The following RRAS2 variants were observed in gnomAD, a reference collection of about 807,000 sequenced individuals.
RRAS2 encodes the protein ras-related protein R-Ras2.
RRAS2 carries 7 observed loss-of-function variants against 27.6 expected under a neutral mutation model. The observed-to-expected ratio is 0.25, with a 90% confidence interval of 0.14 to 0.48. RRAS2 has a LOEUF of 0.48. Ranked by LOEUF, RRAS2 falls within the 20% of genes least tolerant of loss-of-function variation. The probability of loss-of-function intolerance (pLI) is 0.99; values close to 1 mark genes in which losing one functional copy is unlikely to be tolerated. For missense variants in RRAS2, 178 were observed against 256.2 expected (o/e 0.69, Z 2.08); for synonymous variants, 86 against 90.9 (o/e 0.95, Z 0.31).
At chr11:14,325,535 G>A (rs566539221) in intron 1 of RRAS2, among the ~76,000 whole-genome samples, 5 of 152,180 alleles carry the variant, frequency 3.3e-5, no homozygotes, top group East Asian at 1.9e-4. Flanking sequence ...TCCTGACCTC[G>A]TGATCCTCCC....
rs782306600 is a variant in RRAS2, at chr11:14,344,983, C to CTTTTTTTTTTTTT, written c.108+13779_108+13780insAAAAAAAAAAAAA. On this transcript the variant is annotated intron_variant, in intron 1 of 5. Coordinates refer to ENST00000256196, the MANE Select transcript of RRAS2 (RefSeq NM_012250.6). ...TTTATTTCCTGTGCCCTACTCAAGA[C>CTTTTTTTTTTTTT]TTTATTTTTTTTTTTTTTTTTTTTG... Among the ~76,000 whole-genome samples the CTTTTTTTTTTTTT allele has an allele frequency of 5.1e-5, 4 of 78,982 alleles. 2 individuals are homozygous for CTTTTTTTTTTTTT. Among genetic ancestry groups the CTTTTTTTTTTTTT allele is most frequent in the Non-Finnish European group, 9.7e-5 (4 of 41,404 alleles). The allele number at this position is 78,982 out of a possible 152,430, so 51.8% of individuals were successfully genotyped here.
chr11:14,355,536 A>C (rs912481334), intron 1 of RRAS2, among the ~76,000 whole-genome samples: 1 of 152,172 alleles, frequency 6.6e-6, no homozygotes, highest in African/African-American at 2.4e-5. Context: ...TTTATTTTTA[A>C]AAAGGAAAAG....
At chr11:14,309,635 C>A (rs1847913844) in intron 1 of RRAS2, among the ~76,000 whole-genome samples, 1 of 152,144 alleles carries the variant, frequency 6.6e-6, no homozygotes. Flanking sequence ...AAGGAGTGAG[C>A]CATGCTGTGA....
At position 14,294,369 on chromosome 11, in the gene RRAS2, C is replaced by T. The variant is rs34238445; in HGVS notation, c.408+102G>A. The T allele has an allele frequency of 0.34, 231,166 of 685,742 alleles. 38,362 individuals carry two copies. Among genetic ancestry groups the T allele is most frequent in the East Asian group, 0.42 (14,533 of 34,282 alleles). The allele number at this position is 685,742 out of a possible 1,614,324, so 42.5% of individuals were successfully genotyped here. ...TAAACACTTAAGTGGCATGGAGCAC[C>T]GTATTTTTTTTTTACTAGACTTTCA... On this transcript the variant is annotated intron_variant, in intron 4 of 5. Transcript: ENST00000256196.
chr11:14,333,858 C>G (rs140567635), intron 1 of RRAS2, among the ~76,000 whole-genome samples: 2 of 152,254 alleles, frequency 1.3e-5, no homozygotes, highest in African/African-American at 2.4e-5. Context: ...TGGTCTTGAA[C>G]CCCTGGACTC....
At chr11:14,290,701 A>C (rs948227481) in intron 4 of RRAS2, among the ~76,000 whole-genome samples, 1 of 152,202 alleles carries the variant, frequency 6.6e-6, no homozygotes, top group Non-Finnish European at 1.5e-5. Context: ...GTGATCAACC[A>C]TGTCAAATGT....
intron 1 of RRAS2, among the ~76,000 whole-genome samples, chr11:14,343,213 A>G (rs757716581): frequency 8.5e-5 from 13 of 152,216 alleles, no homozygotes; most frequent in Admixed American, 5.2e-4. Context: ...GACACTAAAT[A>G]TATACTTTGC....
chr11:14,333,339 G>A (rs1848519910), intron 1 of RRAS2, among the ~76,000 whole-genome samples: 1 of 152,020 alleles, frequency 6.6e-6, no homozygotes. Context: ...GAAAAGGCGA[G>A]GCTATTGATA....
At chr11:14,348,414 T>G (rs1336349845) in intron 1 of RRAS2, among the ~76,000 whole-genome samples, 1 of 152,326 alleles carries the variant, frequency 6.6e-6, no homozygotes, top group South Asian at 2.1e-4. Context: ...ACCCACTTAG[T>G]TTTAAGATCC....
chr11:14,346,244 A>G (rs1232884371), intron 1 of RRAS2, among the ~76,000 whole-genome samples: 1 of 152,232 alleles, frequency 6.6e-6, no homozygotes, highest in Non-Finnish European at 1.5e-5. Flanking sequence ...AATGTACTAT[A>G]AAGTTACAGA....
In RRAS2 at chr11:14,295,744, A is replaced by G. The variant is rs782535692; in HGVS notation, c.196+24T>C. On this transcript the variant is annotated intron_variant, in intron 2 of 5. Transcript: ENST00000256196. ...TTTTAAAAAATATGATATGCAAATT[A>G]TCAAACAAAGGAAGTTTACTTACTA... 6.4e-6 allele frequency: 10 copies of G among 1,556,016 alleles called. No individual in the cohort carries two copies. The Admixed American group carries it at 1.9e-4, about 30-fold the overall frequency.
intron 4 of RRAS2, among the ~76,000 whole-genome samples, chr11:14,287,172 T>C (rs1554945152): frequency 6.6e-6 from 1 of 152,196 alleles, no homozygotes; most frequent in Non-Finnish European, 1.5e-5. Context: ...TCTCTAACAA[T>C]ACCACAGTAA....
intron 1 of RRAS2, among the ~76,000 whole-genome samples, chr11:14,302,723 C>A (rs1207652677): frequency 1.3e-5 from 2 of 152,198 alleles, no homozygotes; most frequent in Non-Finnish European, 2.9e-5. Flanking sequence ...GTAGCCTCCA[C>A]TCTCCTCTTC....
At chr11:14,306,916 C>T (rs1007163944) in intron 1 of RRAS2, among the ~76,000 whole-genome samples, 1 of 149,224 alleles carries the variant, frequency 6.7e-6, no homozygotes, top group African/African-American at 2.5e-5. Context: ...AAAGGCCGGG[C>T]GCAGTGGCTC....
At chr11:14,330,497 G>C (rs1371151623) in intron 1 of RRAS2, among the ~76,000 whole-genome samples, 2 of 152,174 alleles carry the variant, frequency 1.3e-5, no homozygotes, top group African/African-American at 4.8e-5. Context: ...GGAGGACAGA[G>C]ACCCTGTTTC....
At chr11:14,339,064 C>G (rs1848644349) in intron 1 of RRAS2, among the ~76,000 whole-genome samples, 1 of 152,050 alleles carries the variant, frequency 6.6e-6, no homozygotes, top group South Asian at 2.1e-4. Flanking sequence ...GAGATGACAG[C>G]CAAATACCCA....
At chr11:14,291,549 G>T (rs1554945797) in intron 4 of RRAS2, among the ~76,000 whole-genome samples, 1 of 151,998 alleles carries the variant, frequency 6.6e-6, no homozygotes, top group Non-Finnish European at 1.5e-5. Context: ...TATTTATATG[G>T]TTTAGATGGA....
At chr11:14,344,416 G>A (rs1848786442) in intron 1 of RRAS2, among the ~76,000 whole-genome samples, 1 of 152,138 alleles carries the variant, frequency 6.6e-6, no homozygotes, top group Non-Finnish European at 1.5e-5. Context: ...AAGCCTACTT[G>A]CATGGGGCAA....
intron 5 of RRAS2, among the ~76,000 whole-genome samples, chr11:14,281,322 C>A (rs1849529647): frequency 6.6e-6 from 1 of 152,192 alleles, no homozygotes; most frequent in Non-Finnish European, 1.5e-5. Context: ...CAGAAGCTGG[C>A]AGAGACTACC....
Sources: allele counts gnomAD v4.1 joint callset (sites outside exome capture counted in the v4.1 genomes callset), GRCh38; gene constraint gnomAD v4.1.1; transcripts MANE v1.5; gene names NCBI Gene and HGNC (gene_info 2026-07-23, HGNC 2026-07-21).